The following MTUS2 variants were observed in gnomAD, a reference collection of about 807,000 sequenced individuals.
The protein encoded by MTUS2 is microtubule-associated tumor suppressor candidate 2.
A neutral mutation model predicts 114.1 loss-of-function variants in MTUS2; 40 were observed. The ratio of observed to expected loss-of-function variants is 0.35; its 90% confidence interval spans 0.27 to 0.46. The LOEUF (loss-of-function observed/expected upper bound fraction) is 0.46, where lower values mean the gene tolerates loss of function less well. MTUS2 is among the 20% of genes least tolerant of loss of function. The pLI, the probability that MTUS2 is intolerant of heterozygous loss-of-function variation, is 1.00. For missense variants in MTUS2, 1,679 were observed against 1,705.4 expected (o/e 0.98, Z 0.27); for synonymous variants, 688 against 672.0 (o/e 1.02, Z -0.37).
chr13:29,324,199 T>C (rs1900380757), intron 6 of MTUS2, among the ~76,000 whole-genome samples: 1 of 152,218 alleles, frequency 6.6e-6, no homozygotes, highest in Non-Finnish European at 1.5e-5. Flanking sequence ...GCCGAAGTCA[T>C]TAGCAGCTAT....
At chr13:28,960,327 T>C (rs1052462864) in intron 2 of MTUS2, among the ~76,000 whole-genome samples, 5 of 152,210 alleles carry the variant, frequency 3.3e-5, no homozygotes, top group African/African-American at 1.2e-4. Flanking sequence ...TTGGTGGTTC[T>C]TCAAAAAGTT....
chr13:29,396,153 T>G (rs1873899854), intron 8 of MTUS2, among the ~76,000 whole-genome samples: 1 of 152,210 alleles, frequency 6.6e-6, no homozygotes, highest in Admixed American at 6.5e-5. Flanking sequence ...AAAGACTTTT[T>G]AAAAAGAATT....
At chr13:29,082,373 G>A (rs963395789) in intron 4 of MTUS2, among the ~76,000 whole-genome samples, 1 of 152,174 alleles carries the variant, frequency 6.6e-6, no homozygotes, top group African/African-American at 2.4e-5. Flanking sequence ...TTGATTAGGG[G>A]ATGAAAAGTA....
At chr13:28,851,870 G>A (rs760994519) in intron 2 of MTUS2, among the ~76,000 whole-genome samples, 5 of 152,136 alleles carry the variant, frequency 3.3e-5, no homozygotes, top group African/African-American at 9.7e-5. Flanking sequence ...TGGCATTGTA[G>A]GTGTGTGCTG....
At chr13:29,258,264 G>A (rs1333140786) in intron 5 of MTUS2, among the ~76,000 whole-genome samples, 1 of 152,164 alleles carries the variant, frequency 6.6e-6, no homozygotes, top group African/African-American at 2.4e-5. Flanking sequence ...GGTACCCTTT[G>A]CTTGCCCTAG....
intron 4 of MTUS2, among the ~76,000 whole-genome samples, chr13:29,051,006 G>T (rs1887869562): frequency 6.6e-6 from 1 of 152,172 alleles, no homozygotes; most frequent in African/African-American, 2.4e-5. Flanking sequence ...TAGAAGTTTG[G>T]ATATTAATTC....
At chr13:29,155,632 T>C (rs1892826821) in intron 5 of MTUS2, among the ~76,000 whole-genome samples, 1 of 152,110 alleles carries the variant, frequency 6.6e-6, no homozygotes, top group Non-Finnish European at 1.5e-5. Flanking sequence ...CCATAGAAGA[T>C]TGTGGAAAAT....
At chr13:29,400,651 A>G (rs910518858) in intron 8 of MTUS2, among the ~76,000 whole-genome samples, 10 of 152,244 alleles carry the variant, frequency 6.6e-5, no homozygotes, top group African/African-American at 2.4e-4. Flanking sequence ...AACAATAACC[A>G]GGGTTAATAA....
At chr13:29,140,426 C>A (rs1244760981) in intron 5 of MTUS2, among the ~76,000 whole-genome samples, 2 of 152,182 alleles carry the variant, frequency 1.3e-5, no homozygotes, top group Admixed American at 6.5e-5. Context: ...AGGTTGGCTT[C>A]TCTGCAGTCT....
intron 6 of MTUS2, among the ~76,000 whole-genome samples, chr13:29,309,396 C>T (rs1414125737): frequency 6.6e-6 from 1 of 151,962 alleles, no homozygotes; most frequent in Non-Finnish European, 1.5e-5. Flanking sequence ...CACATGGATA[C>T]ATGATGGGGT....
chr13:29,319,158 C>G (rs982079873), intron 6 of MTUS2, among the ~76,000 whole-genome samples: 1 of 152,200 alleles, frequency 6.6e-6, no homozygotes, highest in African/African-American at 2.4e-5. Flanking sequence ...GATTAAGGAG[C>G]TATTTTCTCT....
chr13:29,042,832 T>C (rs934422828), intron 4 of MTUS2, among the ~76,000 whole-genome samples: 12 of 152,156 alleles, frequency 7.9e-5, no homozygotes, highest in African/African-American at 2.7e-4. Flanking sequence ...TTGTTTCTAA[T>C]CTAGTTTATT....
chr13:29,484,284 A>G (rs560484563), intron 10 of MTUS2: 1 of 152,306 alleles, frequency 6.6e-6, no homozygotes, highest in Non-Finnish European at 1.5e-5. Flanking sequence ...TTTGTCCCTC[A>G]TCTGCATTAT....
In MTUS2 at chr13:29,288,060, G is replaced by C. The variant is rs529604684; in HGVS notation, c.2806+6195G>C. On this transcript the variant is annotated intron_variant, in intron 6 of 15. Transcript: ENST00000612955. The stretch of plus-strand genomic sequence containing the variant: ...TAGACTGAAGGCAAAAGGAGGACAA[G>C]TGTAGAGGAAAGACAGTAAATCTAG... Among the ~76,000 whole-genome samples the C allele has an allele frequency of 1.3e-3, 198 of 152,376 alleles. 1 individual carries two copies. The highest frequency in any genetic ancestry group is 4.6e-3 in the African/African-American group (191 of 41,582).
At chr13:29,002,981 C>G (rs560540793) in intron 2 of MTUS2, among the ~76,000 whole-genome samples, 1 of 152,268 alleles carries the variant, frequency 6.6e-6, no homozygotes, top group South Asian at 2.1e-4. Flanking sequence ...AGATTAGACT[C>G]CAATTGCGCA....
Position 29,310,385 on chromosome 13 carries a change from G to A in MTUS2, c.2807-14228G>A, listed in dbSNP as rs183982182. Reference sequence around the variant, plus strand: ...TCCAACTTGAAAATAATTGATATTCGTAATTACCACTTCTACTTTTTAGTG... The same window carrying A: ...TCCAACTTGAAAATAATTGATATTCATAATTACCACTTCTACTTTTTAGTG... On this transcript the variant is annotated intron_variant, in intron 6 of 15. Transcript: ENST00000612955. Among the ~76,000 whole-genome samples the A allele has an allele frequency of 6.7e-3, 1,025 of 152,146 alleles. 9 individuals carry two copies. The highest frequency in any genetic ancestry group is 0.01 in the Middle Eastern group (3 of 294).
intron 9 of MTUS2, among the ~76,000 whole-genome samples, chr13:29,467,952 A>G (rs1880004810): frequency 6.6e-6 from 1 of 151,944 alleles, no homozygotes; most frequent in Non-Finnish European, 1.5e-5. Flanking sequence ...CTGTCTCTAC[A>G]AGAAAATACA....
chr13:28,890,433 G>C (rs996856962), intron 2 of MTUS2, among the ~76,000 whole-genome samples: 13 of 152,138 alleles, frequency 8.5e-5, no homozygotes, highest in African/African-American at 2.9e-4. Context: ...TTCCTGGTGT[G>C]GCAACTGGGA....
chr13:29,015,937 C>G (rs1886047650), intron 2 of MTUS2, among the ~76,000 whole-genome samples: 1 of 151,912 alleles, frequency 6.6e-6, no homozygotes, highest in Admixed American at 6.6e-5. Flanking sequence ...TGAAGTCTCG[C>G]TCTGTCTCCC....
Sources: allele counts gnomAD v4.1 joint callset (sites outside exome capture counted in the v4.1 genomes callset), GRCh38; gene constraint gnomAD v4.1.1; transcripts MANE v1.5; gene names NCBI Gene and HGNC (gene_info 2026-07-23, HGNC 2026-07-21).